The following SUSD4 variants were observed in gnomAD, a reference collection of about 807,000 sequenced individuals.
SUSD4 encodes the protein sushi domain-containing protein 4.
A neutral mutation model predicts 50.5 loss-of-function variants in SUSD4; 41 were observed. The observed-to-expected ratio is 0.81, with a 90% CI of 0.63 to 1.05. The LOEUF (loss-of-function observed/expected upper bound fraction) is 1.05, where lower values mean the gene tolerates loss of function less well. Ranked by LOEUF, SUSD4 falls within the 50% of genes least tolerant of loss-of-function variation. The probability of loss-of-function intolerance (pLI) is 0.00; values close to 1 mark genes in which losing one functional copy is unlikely to be tolerated. For synonymous variants in SUSD4, 257 were observed against 257.3 expected (o/e 1.00, Z 0.01); for missense variants, 580 against 634.7 (o/e 0.91, Z 0.93).
intron 1 of SUSD4, 91 bp from the exon 2 acceptor site, chr1:223,363,551 G>C: frequency 7.5e-7 from 1 of 1,326,986 alleles, no homozygotes; most frequent in Non-Finnish European, 9.9e-7. Flanking sequence ...CCGGCGCCTC[G>C]GCTTCCCAGG....
At chr1:223,304,413 T>G (rs924795432) in intron 2 of SUSD4, among the ~76,000 whole-genome samples, 4 of 152,112 alleles carry the variant, frequency 2.6e-5, no homozygotes, top group Admixed American at 6.6e-5. Context: ...TCTCCCTACA[T>G]AGTAGGTCCT....
intron 5 of SUSD4, chr1:223,234,863 C>G (rs1215625480): frequency 1.4e-6 from 2 of 1,455,230 alleles, no homozygotes; most frequent in Non-Finnish European, 1.8e-6. Context: ...CCTTGATGCA[C>G]TAACAGGTGT....
intron 3 of SUSD4, among the ~76,000 whole-genome samples, chr1:223,280,785 T>C (rs1483091606): frequency 1.3e-5 from 2 of 152,156 alleles, no homozygotes; most frequent in East Asian, 3.8e-4. Flanking sequence ...AGAATATACA[T>C]TCTTTTCAGC....
At position 223,224,301 on chromosome 1, in the gene SUSD4, C is replaced by T. The variant is rs915043082; in HGVS notation, c.1062-670G>A. Among the ~76,000 whole-genome samples, 5 of 152,172 alleles carry T rather than the reference C, an allele frequency of 3.3e-5. No individual in the cohort carries two copies. The South Asian group carries it at 6.2e-4, about 19-fold the overall frequency. ...GCAGTGAGCCATGATCGCACCACTG[C>T]ACTCCAGCCTGGGTAACAGAGCGAG... is the stretch of plus-strand genomic sequence containing the variant. On this transcript the variant is annotated intron_variant, in intron 7 of 8. Coordinates refer to ENST00000366878, the MANE Select transcript of SUSD4 (RefSeq NM_017982.4).
chr1:223,309,684 GA>G (rs1665757145), intron 2 of SUSD4, among the ~76,000 whole-genome samples: 1 of 152,234 alleles, frequency 6.6e-6, no homozygotes, highest in Non-Finnish European at 1.5e-5. Flanking sequence ...AGTTTGGTGT[GA>G]ACAGGTATGA....
At chr1:223,259,774 A>G (rs11488547) in intron 5 of SUSD4, among the ~76,000 whole-genome samples, 10,873 of 152,124 alleles carry the variant, frequency 0.071, 665 homozygotes, top group African/African-American at 0.16. Flanking sequence ...GTCTGTGTCC[A>G]TCCCTGCAAC....
chr1:223,325,019 T>C (rs1198200689), intron 2 of SUSD4, among the ~76,000 whole-genome samples: 2 of 152,194 alleles, frequency 1.3e-5, no homozygotes, highest in Non-Finnish European at 2.9e-5. Flanking sequence ...CTTATGACTC[T>C]TCTGCCTTCA....
At position 223,221,051 on chromosome 1, in the gene SUSD4, G is replaced by C. The variant is rs1659112682; in HGVS notation, c.*1141C>G. On this transcript the variant is annotated 3_prime_UTR_variant, in exon 9 of 9. Transcript: ENST00000366878. ...AATTTTTTAATCAATCAGTTTCTTA[G>C]GAACAACACCCAGTGGGCATGATGA... 2.5e-6 allele frequency: 1 copy of C among 400,788 alleles called. No homozygotes were observed. Among genetic ancestry groups the C allele is most frequent in the East Asian group, 3.6e-5 (1 of 28,080 alleles). The allele number at this position is 400,788 out of a possible 1,614,324, so 24.8% of individuals were successfully genotyped here.
At chr1:223,290,561 C>G (rs17163769) in intron 3 of SUSD4, among the ~76,000 whole-genome samples, 2 of 152,102 alleles carry the variant, frequency 1.3e-5, no homozygotes, top group Non-Finnish European at 2.9e-5. Flanking sequence ...TTTGGACACA[C>G]GTGGTCTTAT....
intron 3 of SUSD4, among the ~76,000 whole-genome samples, chr1:223,282,464 T>C (rs1035648902): frequency 6.6e-6 from 1 of 152,024 alleles, no homozygotes; most frequent in Non-Finnish European, 1.5e-5. Flanking sequence ...CAGAGAGCCA[T>C]ATCATGAGTG....
At chr1:223,232,751 C>T (rs1159068199) in intron 5 of SUSD4, among the ~76,000 whole-genome samples, 1 of 152,114 alleles carries the variant, frequency 6.6e-6, no homozygotes, top group Admixed American at 6.6e-5. Context: ...CATATAGGGC[C>T]GTGGGCTGTG....
intron 2 of SUSD4, among the ~76,000 whole-genome samples, chr1:223,361,718 T>C (rs988640029): frequency 6.6e-6 from 1 of 152,208 alleles, no homozygotes; most frequent in Non-Finnish European, 1.5e-5. Context: ...TAGTCTGTCA[T>C]CTACATAAGA....
At chr1:223,331,083 G>A (rs1359439020) in intron 2 of SUSD4, among the ~76,000 whole-genome samples, 4 of 152,058 alleles carry the variant, frequency 2.6e-5, no homozygotes, top group South Asian at 2.1e-4. Flanking sequence ...ATTTCTCCAC[G>A]GCAGGCCTAC....
intron 2 of SUSD4, among the ~76,000 whole-genome samples, chr1:223,357,516 C>T (rs1216633320): frequency 6.6e-6 from 1 of 152,290 alleles, no homozygotes; most frequent in East Asian, 1.9e-4. Context: ...CTTGATCTTT[C>T]CATGCCTTCT....
At chr1:223,264,092 C>T in intron 5 of SUSD4, 3 of 985,402 alleles carry the variant, frequency 3.0e-6, no homozygotes, top group Non-Finnish European at 3.6e-6. Context: ...GTCCTTCTCA[C>T]TACTTCATAC....
intron 2 of SUSD4, among the ~76,000 whole-genome samples, chr1:223,355,776 C>T (rs1023128720): frequency 6.6e-6 from 1 of 152,158 alleles, no homozygotes; most frequent in Non-Finnish European, 1.5e-5. Flanking sequence ...TTGCAAAGAA[C>T]GTCACCCTTA....
At chr1:223,283,302 G>A (rs1191550499) in intron 3 of SUSD4, among the ~76,000 whole-genome samples, 14 of 152,184 alleles carry the variant, frequency 9.2e-5, no homozygotes, top group African/African-American at 2.6e-4. Context: ...GCAACCTACA[G>A]AATGGGAGAA....
At position 223,227,350 on chromosome 1, in the gene SUSD4, C is replaced by T. The variant is rs1659585551; in HGVS notation, c.1061+244G>A. 6.6e-6 allele frequency among the ~76,000 whole-genome samples: 1 copy of T among 152,230 alleles called. No homozygotes were observed. The highest frequency in any genetic ancestry group is 2.4e-5 in the African/African-American group (1 of 41,532). ...CTAACTCTGTGATCCCATCGCTAGC[C>T]CCCCATGATGCCCACCTGCAAATGG... is the stretch of plus-strand genomic sequence containing the variant. On this transcript the variant is annotated intron_variant, in intron 7 of 8. Coordinates refer to ENST00000366878, the MANE Select transcript of SUSD4 (RefSeq NM_017982.4). The surrounding 1 kb of genome is among the most constrained non-coding windows in gnomAD (Gnocchi z 4.5).
chr1:223,362,303 C>T (rs898737566), intron 2 of SUSD4, among the ~76,000 whole-genome samples: 2 of 152,108 alleles, frequency 1.3e-5, no homozygotes, highest in South Asian at 2.1e-4. Context: ...TATTTTAAAA[C>T]GCTAAAATGG....
Sources: gnomAD v4.1 joint callset for allele counts (sites outside exome capture counted in the v4.1 genomes callset) on GRCh38, gnomAD v4.1.1 for gene constraint, Gnocchi (gnomAD v3.1) non-coding constraint, MANE v1.5 for transcripts, NCBI Gene and HGNC (gene_info 2026-07-23, HGNC 2026-07-21) for gene names.